Variants in FAM210A observed in about 807,000 individuals in gnomAD.
FAM210A encodes the protein mitochondrial inner membrane scaffold 1.
In FAM210A, 13 loss-of-function variants were observed where a neutral mutation model predicts 25.3. The ratio of observed to expected loss-of-function variants is 0.51; its 90% CI spans 0.33 to 0.82. FAM210A has a LOEUF of 0.82. FAM210A is among the 40% of genes least tolerant of loss of function. The probability of loss-of-function intolerance (pLI) is 0.02; values close to 1 mark genes in which losing one functional copy is unlikely to be tolerated. For synonymous variants in FAM210A, 125 were observed against 118.7 expected, an observed-to-expected ratio of 1.05 and a Z score of -0.35; for missense variants, 319 against 323.2, an observed-to-expected ratio of 0.99 and a Z score of 0.10.
chr18:13,700,725 A>G (rs945906469), intron 1 of FAM210A, among the ~76,000 whole-genome samples: 3 of 152,224 alleles, frequency 2.0e-5, no homozygotes, highest in African/African-American at 7.2e-5. Flanking sequence ...CCATACTTCT[A>G]TATTTGAGTC....
chr18:13,681,582 C>A, intron 2 of FAM210A, 23 bp downstream of exon 2: 1 of 1,537,556 alleles, frequency 6.5e-7, no homozygotes, highest in Non-Finnish European at 8.8e-7. Context: ...CAGGGAAAGA[C>A]ATTCAACTAA....
intron 1 of FAM210A, among the ~76,000 whole-genome samples, chr18:13,700,646 A>G (rs1438192808): frequency 2.0e-5 from 3 of 152,184 alleles, no homozygotes; most frequent in Non-Finnish European, 4.4e-5. Flanking sequence ...TAAAATCTTC[A>G]TCTCCAAACC....
chr18:13,685,038 G>A (rs1017606114), intron 1 of FAM210A, among the ~76,000 whole-genome samples: 1 of 152,076 alleles, frequency 6.6e-6, no homozygotes, highest in African/African-American at 2.4e-5. Flanking sequence ...AAAATCTGTG[G>A]GATGCAGCAA....
intron 3 of FAM210A, among the ~76,000 whole-genome samples, chr18:13,671,530 C>G (rs1445895601): frequency 1.3e-5 from 2 of 151,914 alleles, no homozygotes; most frequent in African/African-American, 4.8e-5. Flanking sequence ...CTTCCTAAAA[C>G]CACATTTTTA....
At chr18:13,699,852 T>C (rs374654813) in intron 1 of FAM210A, among the ~76,000 whole-genome samples, 2 of 152,212 alleles carry the variant, frequency 1.3e-5, no homozygotes, top group African/African-American at 4.8e-5. Flanking sequence ...TATGACCTGG[T>C]CAAACCAAGC....
chr18:13,695,136 G>T (rs1397992772), intron 1 of FAM210A, among the ~76,000 whole-genome samples: 1 of 152,214 alleles, frequency 6.6e-6, no homozygotes, highest in African/African-American at 2.4e-5. Context: ...CTGGCCATCA[G>T]AGAAATGCAA....
At position 13,682,041 on chromosome 18, in the gene FAM210A, C is replaced by T. The variant is rs752482708; in HGVS notation, c.37G>A (p.Ala13Thr). 8.1e-6 allele frequency: 13 copies of T among 1,610,544 alleles called. No individual in the cohort carries two copies. The South Asian group carries it at 9.9e-5, about 12-fold the overall frequency. Reference protein sequence around the residue: ...WNVPRTVSRLARRTCLEPHNA... With the variant: ...WNVPRTVSRLTRRTCLEPHNA... ...TGTGGTTCCAAGCATGTCCTGCGTG[C>T]CAGTCGAGATACAGTCCGTGGTACA... is the stretch of plus-strand genomic sequence containing the variant. The change falls in exon 2 of 4, where the codon GCA becomes ACA. Residue 13 changes from alanine to threonine, a missense_variant. Transcript: ENST00000651643.
rs1601950945 is a variant in FAM210A at position 13,687,627 on chromosome 18, A to G, written c.-28-5522T>C. On this transcript the variant is annotated intron_variant, in intron 1 of 3. Coordinates refer to ENST00000651643, the MANE Select transcript of FAM210A (RefSeq NM_152352.4). Reference sequence around the variant, plus strand: ...TCGTGCTCACTTCCCAAGTGTAAGGAGGGCACTGTACATGCAGGTAGCCCA... The same window carrying G: ...TCGTGCTCACTTCCCAAGTGTAAGGGGGGCACTGTACATGCAGGTAGCCCA... 1.3e-5 allele frequency: 2 copies of G among 152,326 alleles called. 1 individual carries two copies. The highest frequency in any genetic ancestry group is 4.1e-4 in the South Asian group (2 of 4,820). The allele number at this position is 152,326 out of a possible 1,614,324, so 9.4% of individuals were successfully genotyped here.
chr18:13,711,265 G>A (rs2043819211), intron 1 of FAM210A, among the ~76,000 whole-genome samples: 1 of 152,134 alleles, frequency 6.6e-6, no homozygotes, highest in South Asian at 2.1e-4. Flanking sequence ...CAGCTTCTTG[G>A]GAGGCTGAGG....
At chr18:13,725,471 T>C (rs2043933661) in intron 1 of FAM210A, among the ~76,000 whole-genome samples, 1 of 152,308 alleles carries the variant, frequency 6.6e-6, no homozygotes. Flanking sequence ...GCCAGGTCTA[T>C]TCATTAATAT....
At chr18:13,692,808 T>C (rs1476314843) in intron 1 of FAM210A, among the ~76,000 whole-genome samples, 12 of 152,084 alleles carry the variant, frequency 7.9e-5, no homozygotes, top group Non-Finnish European at 1.6e-4. Flanking sequence ...AGATCTAAAA[T>C]TGACACCCTA....
At chr18:13,668,090 GT>G (rs961102413) in intron 3 of FAM210A, among the ~76,000 whole-genome samples, 7 of 152,160 alleles carry the variant, frequency 4.6e-5, no homozygotes, top group African/African-American at 1.7e-4. Context: ...GCATAGGTGT[GT>G]TGTATAACAA....
chr18:13,703,178 G>T (rs1762103140), intron 1 of FAM210A, among the ~76,000 whole-genome samples: 2 of 152,098 alleles, frequency 1.3e-5, no homozygotes, highest in African/African-American at 4.8e-5. Flanking sequence ...TTACTTTTGG[G>T]GGTATCAGCA....
In FAM210A at chr18:13,663,902, T is replaced by C. The variant is rs1010399991; in HGVS notation, c.*2578A>G. The C allele has an allele frequency of 6.6e-6, 1 of 152,210 alleles. No individual in the cohort carries two copies. The highest frequency in any genetic ancestry group is 2.4e-5 in the African/African-American group (1 of 41,446). The allele number at this position is 152,210 out of a possible 1,614,324, so 9.4% of individuals were successfully genotyped here. A position where few individuals can be genotyped will look rare whatever the true frequency, so the allele number is the denominator to read the frequency against. ...GAGCACTCGCAGTTCACAGAGGTTA[T>C]AGGTGAATTAATCCCAAGTGTGAGG... On this transcript the variant is annotated 3_prime_UTR_variant, in exon 4 of 4. Transcript: ENST00000651643.
At chr18:13,724,866 C>T (rs1444270884) in intron 1 of FAM210A, among the ~76,000 whole-genome samples, 3 of 152,126 alleles carry the variant, frequency 2.0e-5, no homozygotes, top group Admixed American at 6.5e-5. Flanking sequence ...CTCCGCCTTC[C>T]GGGTTTAAGC....
At chr18:13,722,930 G>A (rs528521040) in intron 1 of FAM210A, among the ~76,000 whole-genome samples, 310 of 151,088 alleles carry the variant, frequency 2.1e-3, no homozygotes, top group African/African-American at 7.1e-3. Flanking sequence ...TGCAACCTCC[G>A]CCTCCTGGGT....
chr18:13,709,381 A>G (rs2043805013), intron 1 of FAM210A, among the ~76,000 whole-genome samples: 1 of 152,198 alleles, frequency 6.6e-6, no homozygotes, highest in East Asian at 1.9e-4. Context: ...CATAGGCTGA[A>G]AAGGTGCCTG....
At chr18:13,671,721 T>C (rs2043444090) in intron 3 of FAM210A, 141 bp downstream of exon 3, 1 of 486,538 alleles carries the variant, frequency 2.1e-6, no homozygotes. Flanking sequence ...TATCTTACAT[T>C]ATTCACCAGA....
intron 2 of FAM210A, among the ~76,000 whole-genome samples, chr18:13,677,976 A>G (rs1628009): frequency 0.91 from 138,291 of 152,210 alleles, 62,936 homozygotes; most frequent in East Asian, 0.97. Context: ...CTTATCATCA[A>G]AAGTCAGAGG....
Sources: allele counts gnomAD v4.1 joint callset (sites outside exome capture counted in the v4.1 genomes callset), GRCh38; gene constraint gnomAD v4.1.1; transcripts MANE v1.5; gene names NCBI Gene and HGNC (gene_info 2026-07-23, HGNC 2026-07-21).